DGKI: variants seen among roughly 807,000 people sequenced by gnomAD.
DGKI encodes diacylglycerol kinase iota, also known as DAG kinase iota.
In DGKI, 55 loss-of-function variants were observed where a neutral mutation model predicts 147.5. That is an observed-to-expected ratio of 0.37 (90% CI 0.30 to 0.47). The LOEUF (loss-of-function observed/expected upper bound fraction) is 0.47. DGKI is among the 20% of genes least tolerant of loss of function. The probability of loss-of-function intolerance (pLI) is 1.00; values close to 1 mark genes in which losing one functional copy is unlikely to be tolerated. For synonymous variants in DGKI, 469 were observed against 477.1 expected (o/e 0.98, Z 0.22); for missense variants, 1,007 against 1,323.8 (o/e 0.76, Z 3.71).
chr7:137,398,413 T>C (rs1178417666), intron 30 of DGKI, among the ~76,000 whole-genome samples: 2 of 152,326 alleles, frequency 1.3e-5, no homozygotes, highest in East Asian at 1.9e-4. Flanking sequence ...GTGTCTAGTG[T>C]AGAGCCTGGA....
intron 20 of DGKI, among the ~76,000 whole-genome samples, chr7:137,525,712 T>A (rs1211570077): frequency 6.6e-6 from 1 of 152,192 alleles, no homozygotes; most frequent in Admixed American, 6.6e-5. Flanking sequence ...TGGCACATTG[T>A]CAGTGCTCAA....
At chr7:137,768,178 G>A (rs948949919) in intron 1 of DGKI, among the ~76,000 whole-genome samples, 4 of 152,046 alleles carry the variant, frequency 2.6e-5, no homozygotes, top group Admixed American at 6.6e-5. Flanking sequence ...GTATTAGGTC[G>A]GTACCTAATA....
At chr7:137,741,446 A>G (rs1795170721) in intron 1 of DGKI, among the ~76,000 whole-genome samples, 1 of 152,216 alleles carries the variant, frequency 6.6e-6, no homozygotes, top group Non-Finnish European at 1.5e-5. Context: ...AATTAATCCC[A>G]CAAGGTTCCT....
chr7:137,750,658 G>T (rs759113483), intron 1 of DGKI, among the ~76,000 whole-genome samples: 1 of 152,124 alleles, frequency 6.6e-6, no homozygotes, highest in Non-Finnish European at 1.5e-5. Flanking sequence ...CTAGTGGAAT[G>T]CCCTAGCCCA....
At chr7:137,695,386 A>G (rs1356444319) in intron 1 of DGKI, among the ~76,000 whole-genome samples, 2 of 152,234 alleles carry the variant, frequency 1.3e-5, no homozygotes, top group Non-Finnish European at 2.9e-5. Flanking sequence ...AACAAATAAA[A>G]CAGACCCCAA....
At chr7:137,775,465 C>G (rs1010327339) in intron 1 of DGKI, among the ~76,000 whole-genome samples, 1 of 152,162 alleles carries the variant, frequency 6.6e-6, no homozygotes, top group African/African-American at 2.4e-5. Flanking sequence ...TTCATGGTGC[C>G]AAATCCTCAA....
At chr7:137,405,224 G>A (rs1226019452) in intron 30 of DGKI, among the ~76,000 whole-genome samples, 2 of 148,392 alleles carry the variant, frequency 1.3e-5, no homozygotes, top group African/African-American at 4.9e-5. Context: ...CTATACTTAT[G>A]TTAAAACCTT....
Position 137,689,991 on chromosome 7 carries a change from G to A in DGKI, c.413C>T (p.Ser138Phe). 1 of 1,599,208 alleles carries A rather than the reference G, an allele frequency of 6.3e-7. No homozygotes were observed. Among genetic ancestry groups the A allele is most frequent in the Non-Finnish European group, 8.5e-7 (1 of 1,175,126 alleles). ...RKQVSYRKAI[S>F]RAGLQHLAPA... ...AGCCAGATGCTGGAGGCCTGCCCGG[G>A]AGATTGCTTTCCTGCAGCAAGAAGA... The change falls in exon 2 of 33, where the codon TCC (serine) becomes TTC (phenylalanine). Residue 138 changes from serine to phenylalanine, a missense_variant. Ser to Phe is a radical substitution (Grantham distance 155). Transcript: ENST00000614521.
In DGKI at chr7:137,517,419, G is replaced by A. The variant is rs542253374; in HGVS notation, c.2248+4447C>T. 2.0e-3 allele frequency among the ~76,000 whole-genome samples: 308 copies of A among 151,264 alleles called. 3 individuals carry two copies. The highest frequency in any genetic ancestry group is 7.1e-3 in the African/African-American group (294 of 41,144). On this transcript the variant is annotated intron_variant, in intron 21 of 32. Coordinates refer to ENST00000614521, the MANE Select transcript of DGKI (RefSeq NM_001321708.2). ...AGAAAGAGAGAGAAAGAGAGAGAAA[G>A]AAAGAAAGATAAAAAAAGAAAGAAC...
In DGKI at chr7:137,618,521, C is replaced by T. The variant is rs948176191; in HGVS notation, c.993+1303G>A. ...TAAGAGTAAGGATCACGTATTTTAT[C>T]GCAATGCCTATTAGCCTTCCTGATA... On this transcript the variant is annotated intron_variant, in intron 8 of 32. Transcript: ENST00000614521. 4.0e-5 allele frequency among the ~76,000 whole-genome samples: 6 copies of T among 151,504 alleles called. No individual in the cohort carries two copies. In the South Asian group the frequency reaches 8.3e-4, roughly 21 times the overall value.
At chr7:137,603,759 GAAGAACC>G (rs1820077255) in intron 10 of DGKI, among the ~76,000 whole-genome samples, 1 of 152,190 alleles carries the variant, frequency 6.6e-6, no homozygotes, top group Admixed American at 6.5e-5. Context: ...TCGAATAGAT[GAAGAACC>G]TTCAGGGTAA....
chr7:137,572,753 AAC>A lies in DGKI; in HGVS notation c.1835+10_1835+11del. On this transcript the variant is annotated intron_variant, in intron 18 of 32. Coordinates refer to ENST00000614521, the MANE Select transcript of DGKI (RefSeq NM_001321708.2). The stretch of plus-strand genomic sequence containing the variant: ...CACGTCAAACCAAGGAAACAATACA[AAC>A]AGAGCCTACCTGGGTATATTTAAAA... 6.3e-7 allele frequency: 1 copy of A among 1,577,740 alleles called. No homozygotes were observed. The highest frequency in any genetic ancestry group is 8.6e-7 in the Non-Finnish European group (1 of 1,159,056).
At chr7:137,550,969 T>A (rs916658156) in intron 20 of DGKI, among the ~76,000 whole-genome samples, 10 of 152,166 alleles carry the variant, frequency 6.6e-5, no homozygotes, top group African/African-American at 2.4e-4. Flanking sequence ...CATGCCACAT[T>A]TTTTAACATA....
At chr7:137,795,885 T>C (rs190586520) in intron 1 of DGKI, among the ~76,000 whole-genome samples, 1 of 152,304 alleles carries the variant, frequency 6.6e-6, no homozygotes, top group African/African-American at 2.4e-5. Context: ...ACCACTAAGC[T>C]AACCAAGCAG....
chr7:137,827,156 ACAGGAATGACTTG>A (rs1240288163), intron 1 of DGKI, among the ~76,000 whole-genome samples: 1 of 152,086 alleles, frequency 6.6e-6, no homozygotes, highest in Admixed American at 6.5e-5. Flanking sequence ...TGTCACTTGC[ACAGGAATGACTTG>A]CAGCTATAAC....
chr7:137,673,740 T>C (rs1822932813), intron 3 of DGKI, among the ~76,000 whole-genome samples: 1 of 152,186 alleles, frequency 6.6e-6, no homozygotes, highest in South Asian at 2.1e-4. Context: ...ATAATTTGCA[T>C]ATCAATGTAG....
At chr7:137,430,883 C>T (rs1326003855) in intron 28 of DGKI, among the ~76,000 whole-genome samples, 1 of 151,948 alleles carries the variant, frequency 6.6e-6, no homozygotes, top group Non-Finnish European at 1.5e-5. Context: ...GCTGAGAGAA[C>T]CCCATTCAGG....
At chr7:137,763,182 C>T (rs1336599447) in intron 1 of DGKI, among the ~76,000 whole-genome samples, 1 of 152,204 alleles carries the variant, frequency 6.6e-6, no homozygotes, top group Non-Finnish European at 1.5e-5. Context: ...TTTTTATAGG[C>T]AACAGAATGA....
intron 1 of DGKI, among the ~76,000 whole-genome samples, chr7:137,734,529 C>T (rs933712214): frequency 6.6e-6 from 1 of 151,912 alleles, no homozygotes; most frequent in African/African-American, 2.4e-5. Flanking sequence ...AACCAGCTGC[C>T]TTCTTGTTAA....
Sources: allele counts gnomAD v4.1 joint callset (sites outside exome capture counted in the v4.1 genomes callset), GRCh38; gene constraint gnomAD v4.1.1; transcripts MANE v1.5; gene names NCBI Gene and HGNC (gene_info 2026-07-23, HGNC 2026-07-21).